Variants in GLRB observed in about 807,000 individuals in gnomAD.
The protein encoded by GLRB is glycine receptor beta, also known as glycine receptor subunit beta.
GLRB carries 33 observed loss-of-function variants against 54.2 expected under a neutral mutation model. That is an observed-to-expected ratio of 0.61 (90% CI 0.46 to 0.81). GLRB has a LOEUF of 0.81. Among genes scored for constraint, GLRB ranks in the 40% least tolerant of loss-of-function variants. The pLI, the probability that GLRB is intolerant of heterozygous loss-of-function variation, is 0.00. For missense variants in GLRB, 572 were observed against 584.6 expected (o/e 0.98, Z 0.22); for synonymous variants, 209 against 208.2 (o/e 1.00, Z -0.03).
At chr4:157,114,642 C>T (rs1579209391) in intron 2 of GLRB, among the ~76,000 whole-genome samples, 1 of 151,834 alleles carries the variant, frequency 6.6e-6, no homozygotes, top group Non-Finnish European at 1.5e-5. Flanking sequence ...TTGTGCTTCT[C>T]TTGGCCGTGA....
At chr4:157,092,641 G>T (rs1734660635) in intron 2 of GLRB, among the ~76,000 whole-genome samples, 1 of 152,180 alleles carries the variant, frequency 6.6e-6, no homozygotes, top group Admixed American at 6.5e-5. Context: ...AACATCTGTG[G>T]CATGACTTCT....
At chr4:157,166,961 G>T (rs991270077) in intron 9 of GLRB, among the ~76,000 whole-genome samples, 3 of 151,894 alleles carry the variant, frequency 2.0e-5, no homozygotes, top group African/African-American at 7.3e-5. Context: ...TTGTGGCCTA[G>T]GTTATAATAT....
intron 4 of GLRB, among the ~76,000 whole-genome samples, chr4:157,127,882 T>C (rs1050454498): frequency 2.6e-5 from 4 of 151,918 alleles, no homozygotes; most frequent in Admixed American, 6.6e-5. Flanking sequence ...GCTACAGAAC[T>C]GTAAGATACT....
At chr4:157,138,374 G>T (rs1045442995) in intron 6 of GLRB, among the ~76,000 whole-genome samples, 1 of 152,020 alleles carries the variant, frequency 6.6e-6, no homozygotes, top group Non-Finnish European at 1.5e-5. Context: ...GCACCAGGCC[G>T]ATTTCTTAAA....
At chr4:157,080,397 G>A (rs558182333) in intron 2 of GLRB, among the ~76,000 whole-genome samples, 3 of 152,284 alleles carry the variant, frequency 2.0e-5, no homozygotes, top group African/African-American at 4.8e-5. Context: ...GATGCTGCTG[G>A]AAGTCTGGCT....
chr4:157,091,306 C>T (rs977533448), intron 2 of GLRB: 5 of 152,066 alleles, frequency 3.3e-5, no homozygotes, highest in African/African-American at 7.2e-5. Flanking sequence ...TCTTAAGGAA[C>T]ATTGCTTAGG....
intron 2 of GLRB, among the ~76,000 whole-genome samples, chr4:157,095,201 C>A (rs1734761434): frequency 6.7e-6 from 1 of 148,560 alleles, no homozygotes; most frequent in Admixed American, 6.8e-5. Flanking sequence ...AGAGGGTGAA[C>A]TATGGAAAGA....
At chr4:157,169,827 T>C (rs980495840) in intron 9 of GLRB, among the ~76,000 whole-genome samples, 2 of 152,124 alleles carry the variant, frequency 1.3e-5, no homozygotes, top group Admixed American at 6.6e-5. Flanking sequence ...CTTTGTATTG[T>C]CTGAGCGTGA....
intron 8 of GLRB, 133 bp downstream of exon 8, chr4:157,144,092 T>C: frequency 1.1e-6 from 1 of 878,886 alleles, no homozygotes; most frequent in East Asian, 2.5e-5. Flanking sequence ...AAAGACTTTC[T>C]TCAAAACTTG....
chr4:157,098,501 A>C (rs941454343), intron 2 of GLRB, among the ~76,000 whole-genome samples: 1 of 152,160 alleles, frequency 6.6e-6, no homozygotes, highest in South Asian at 2.1e-4. Context: ...TACCATGATG[A>C]GACAGTTTTT....
chr4:157,147,196 G>A (rs1278995362), intron 8 of GLRB, among the ~76,000 whole-genome samples: 1 of 152,178 alleles, frequency 6.6e-6, no homozygotes, highest in Non-Finnish European at 1.5e-5. Flanking sequence ...TCTCTGGTTG[G>A]AATCACAGGG....
intron 9 of GLRB, among the ~76,000 whole-genome samples, chr4:157,162,925 C>A (rs942644557): frequency 8.5e-5 from 13 of 152,160 alleles, no homozygotes; most frequent in African/African-American, 2.9e-4. Context: ...ACTAGGCCTG[C>A]CCCCAGAGGT....
intron 2 of GLRB, among the ~76,000 whole-genome samples, chr4:157,079,477 C>G (rs967716009): frequency 1.3e-5 from 2 of 152,162 alleles, no homozygotes; most frequent in African/African-American, 4.8e-5. Flanking sequence ...CACGTAATGT[C>G]TAGCATTAAA....
chr4:157,125,368 G>GT, intron 4 of GLRB, among the ~76,000 whole-genome samples: 1 of 151,934 alleles, frequency 6.6e-6, no homozygotes, highest in African/African-American at 2.4e-5. Context: ...ACAGGCTTGT[G>GT]TTTGAGTCTG....
chr4:157,112,253 A>G (rs1216564731), intron 2 of GLRB, among the ~76,000 whole-genome samples: 3 of 151,970 alleles, frequency 2.0e-5, no homozygotes, highest in Admixed American at 6.6e-5. Flanking sequence ...GCTGAATCCA[A>G]TCTGTTTCCA....
In GLRB at chr4:157,091,069, T is replaced by G. The variant is rs1324925864; in HGVS notation, c.122+12923T>G. Among the ~76,000 whole-genome samples the G allele has an allele frequency of 3.3e-5, 5 of 152,170 alleles. No individual in the cohort carries two copies. In the East Asian group the frequency reaches 5.8e-4, roughly 18 times the overall value. The stretch of plus-strand genomic sequence containing the variant: ...GGCTTTTCATGGAACTATTAATAGA[T>G]AGTTCAATCTATCTATTAAATCTAT... On this transcript the variant is annotated intron_variant, in intron 2 of 9. Coordinates refer to ENST00000264428, the MANE Select transcript of GLRB (RefSeq NM_000824.5).
Position 157,080,768 on chromosome 4 carries a change from C to A in GLRB, c.122+2622C>A, listed in dbSNP as rs73856811. Among the ~76,000 whole-genome samples the A allele has an allele frequency of 6.3e-3, 960 of 151,872 alleles. 8 individuals are homozygous for A. Among genetic ancestry groups the A allele is most frequent in the African/African-American group, 0.021 (889 of 41,458 alleles). ...TCCTCAGGATGGTAAAATTCTTGCCCAGTGATGTTTTCATTTGTTTATACT... is the reference window on the plus strand; with the variant it reads ...TCCTCAGGATGGTAAAATTCTTGCCAAGTGATGTTTTCATTTGTTTATACT... On this transcript the variant is annotated intron_variant, in intron 2 of 9. Transcript: ENST00000264428.
At chr4:157,168,605 G>A (rs1176819229) in intron 9 of GLRB, among the ~76,000 whole-genome samples, 1 of 152,108 alleles carries the variant, frequency 6.6e-6, no homozygotes, top group African/African-American at 2.4e-5. Context: ...AAGTCAACAT[G>A]TTGGTGATTT....
chr4:157,134,337 G>T (rs77359815), intron 4 of GLRB, among the ~76,000 whole-genome samples: 5,212 of 151,892 alleles, frequency 0.034, 152 homozygotes, highest in African/African-American at 0.081. Flanking sequence ...AGGGAAGTTT[G>T]CTTGAGCCCA....
Sources: gnomAD v4.1 joint callset for allele counts (sites outside exome capture counted in the v4.1 genomes callset) on GRCh38, gnomAD v4.1.1 for gene constraint, MANE v1.5 for transcripts, NCBI Gene and HGNC (gene_info 2026-07-23, HGNC 2026-07-21) for gene names.